SLC6A2: variants seen among roughly 807,000 people sequenced by gnomAD.
The protein encoded by SLC6A2 is sodium-dependent noradrenaline transporter.
Under a neutral mutation model 71.7 loss-of-function variants are expected in SLC6A2, and 26 were observed. The observed-to-expected ratio is 0.36, with a 90% CI of 0.27 to 0.50. The LOEUF (loss-of-function observed/expected upper bound fraction) is 0.50, where lower values mean the gene tolerates loss of function less well. SLC6A2 is among the 20% of genes least tolerant of loss of function. The probability of loss-of-function intolerance (pLI) is 0.96; values close to 1 mark genes in which losing one functional copy is unlikely to be tolerated. For synonymous variants in SLC6A2, 363 were observed against 337.9 expected, an observed-to-expected ratio of 1.07 and a Z score of -0.82; for missense variants, 581 against 803.9, an observed-to-expected ratio of 0.72 and a Z score of 3.35.
intron 4 of SLC6A2, among the ~76,000 whole-genome samples, chr16:55,675,323 G>A (rs755185933): frequency 2.6e-5 from 4 of 152,234 alleles, no homozygotes; most frequent in Non-Finnish European, 4.4e-5. Context: ...AGACAGGATA[G>A]ATTCCACCAG....
At position 55,705,184 on chromosome 16, in the gene SLC6A2, A is replaced by G. The variant is rs1179921869; in HGVS notation, c.*2838A>G. ...ATTTACGTCTACTCAATGTCTAGTT[A>G]TTTAGCACCCACCTTTTAGCTTTCA... On this transcript the variant is annotated 3_prime_UTR_variant, in exon 15 of 15. Transcript: ENST00000568943. The G allele has an allele frequency of 6.7e-7, 1 of 1,495,186 alleles. No homozygotes were observed. Among genetic ancestry groups the G allele is most frequent in the Non-Finnish European group, 9.0e-7 (1 of 1,109,458 alleles). The allele number at this position is 1,495,186 out of a possible 1,614,324, so 92.6% of individuals were successfully genotyped here. A position where few individuals can be genotyped will look rare whatever the true frequency, so the allele number is the denominator to read the frequency against.
At chr16:55,690,751 C>T (rs561654159) in intron 5 of SLC6A2, among the ~76,000 whole-genome samples, 2 of 152,340 alleles carry the variant, frequency 1.3e-5, no homozygotes, top group East Asian at 1.9e-4. Context: ...CCCTGACCAA[C>T]TAAGTCAGAA....
Position 55,702,312 on chromosome 16 carries a change from T to A in SLC6A2, c.1831-11T>A. On this transcript the variant is annotated splice_polypyrimidine_tract_variant and intron_variant, in intron 14 of 14. Transcript: ENST00000568943. ...ACCATGTCATCAAGTCCTCGCTGTC[T>A]TTCTCTGCAGTTGCAACACTGGCTG... is the stretch of plus-strand genomic sequence containing the variant. 1 of 1,614,102 alleles carries A rather than the reference T, an allele frequency of 6.2e-7. No individual in the cohort carries two copies. The highest frequency in any genetic ancestry group is 8.5e-7 in the Non-Finnish European group (1 of 1,179,948).
At chr16:55,664,197 G>C (rs890749765) in intron 2 of SLC6A2, among the ~76,000 whole-genome samples, 1 of 152,118 alleles carries the variant, frequency 6.6e-6, no homozygotes, top group Non-Finnish European at 1.5e-5. Flanking sequence ...TTGGCCTGGC[G>C]TATCCTGTCC....
At position 55,656,865 on chromosome 16, in the gene SLC6A2, G is replaced by A. The variant is rs1330557979; in HGVS notation, c.171G>A (p.Glu57=). 1 of 1,613,842 alleles carries A rather than the reference G, an allele frequency of 6.2e-7. No individual in the cohort carries two copies. The highest frequency in any genetic ancestry group is 8.5e-7 in the Non-Finnish European group (1 of 1,179,930). ...APRDGDAQPR[E]TWGKKIDFLL... Reference sequence around the variant, plus strand: ...GCGACGGCGACGCGCAGCCCCGGGAGACCTGGGGCAAGAAGATCGACTTCC... The same window carrying A: ...GCGACGGCGACGCGCAGCCCCGGGAAACCTGGGGCAAGAAGATCGACTTCC... The change falls in exon 2 of 15, where the codon GAG becomes GAA. Residue 57 remains glutamate (E), a synonymous_variant. Coordinates refer to ENST00000568943, the MANE Select transcript of SLC6A2 (RefSeq NM_001172501.3). This position sits in a 1 kb window ranked among gnomAD's most constrained non-coding sequence, Gnocchi z 4.5.
intron 4 of SLC6A2, among the ~76,000 whole-genome samples, chr16:55,679,874 C>T (rs16955591): frequency 0.15 from 22,082 of 152,064 alleles, 2,041 homozygotes; most frequent in African/African-American, 0.25. Flanking sequence ...TGTTATCCTC[C>T]GGACCTCGAT....
At chr16:55,674,425 C>T (rs1348790770) in intron 4 of SLC6A2, among the ~76,000 whole-genome samples, 1 of 151,452 alleles carries the variant, frequency 6.6e-6, no homozygotes, top group Admixed American at 6.6e-5. Context: ...TTTTCTTTTT[C>T]TTTTTCTTTT....
At position 55,699,915 on chromosome 16, in the gene SLC6A2, G is replaced by A. The variant is rs535579649; in HGVS notation, c.1591-224G>A. Reference sequence around the variant, plus strand: ...CACCTTCTGTTCTTCCTCTTTTCTTGCTCCCTGTCATATCTGCCTCCTTTT... The same window carrying A: ...CACCTTCTGTTCTTCCTCTTTTCTTACTCCCTGTCATATCTGCCTCCTTTT... On this transcript the variant is annotated intron_variant, in intron 12 of 14. Coordinates refer to ENST00000568943, the MANE Select transcript of SLC6A2 (RefSeq NM_001172501.3). 2.2e-3 allele frequency among the ~76,000 whole-genome samples: 328 copies of A among 152,136 alleles called. 1 individual carries two copies. Among genetic ancestry groups the A allele is most frequent in the Non-Finnish European group, 3.4e-3 (234 of 67,986 alleles).
intron 4 of SLC6A2, among the ~76,000 whole-genome samples, chr16:55,681,396 A>G (rs964741294): frequency 1.3e-5 from 2 of 152,212 alleles, no homozygotes; most frequent in Admixed American, 1.3e-4. Context: ...CTCAGAGCAG[A>G]GGTGCAGAGA....
intron 4 of SLC6A2, among the ~76,000 whole-genome samples, chr16:55,684,415 A>G (rs34030860): frequency 0.13 from 19,873 of 152,208 alleles, 1,426 homozygotes; most frequent in African/African-American, 0.18. Context: ...TTATTATGAA[A>G]TAATGCTGCC....
chr16:55,684,940 A>G (rs1965400365), intron 4 of SLC6A2, among the ~76,000 whole-genome samples: 1 of 152,214 alleles, frequency 6.6e-6, no homozygotes, highest in South Asian at 2.1e-4. Flanking sequence ...CTCTTCTAGG[A>G]CAGAGTGGTC....
chr16:55,676,525 T>C (rs1023365249), intron 4 of SLC6A2, among the ~76,000 whole-genome samples: 3 of 152,114 alleles, frequency 2.0e-5, no homozygotes, highest in African/African-American at 7.2e-5. Flanking sequence ...CATCTCCCAT[T>C]TTGCACCGTA....
chr16:55,684,935 C>T (rs2142558553), intron 4 of SLC6A2, among the ~76,000 whole-genome samples: 1 of 152,358 alleles, frequency 6.6e-6, no homozygotes, highest in East Asian at 1.9e-4. Context: ...TTTGCCTCTT[C>T]TAGGACAGAG....
chr16:55,671,878 G>A lies in SLC6A2; in HGVS notation c.407-60G>A, dbSNP rs1321298516. The A allele has an allele frequency of 3.1e-6, 5 of 1,611,478 alleles. No homozygotes were observed. In the African/African-American group the frequency reaches 4.0e-5, roughly 13 times the overall value. On this transcript the variant is annotated intron_variant, in intron 3 of 14. Transcript: ENST00000568943. ...GTGCAGTGGTGGAGCCACACCCAAG[G>A]AGAGGTGGCTGTGGGGCTGGGCCTG...
intron 6 of SLC6A2, among the ~76,000 whole-genome samples, chr16:55,693,573 C>T (rs1965703762): frequency 6.6e-6 from 1 of 152,212 alleles, no homozygotes; most frequent in Admixed American, 6.5e-5. Context: ...GCCCCATTGG[C>T]CCCCAAGGAG....
rs749688238 is a variant in SLC6A2 at position 55,695,381 on chromosome 16, A to G, written c.1126A>G (p.Ile376Val). ...GYMAHEHKVNIEDVATEGAGL... is the reference protein window; with the variant it reads ...GYMAHEHKVNVEDVATEGAGL... ...CATGGCCCATGAACACAAGGTCAAC[A>G]TTGAGGATGTGGCCACAGAAGGTGG... is the stretch of plus-strand genomic sequence containing the variant. The change falls in exon 8 of 15, where the codon ATT becomes GTT. Residue 376 changes from isoleucine to valine, a missense_variant. This residue lies in a region of SLC6A2 where 334 missense variants were observed against 449.0 expected (regional missense o/e 0.74). Transcript: ENST00000568943. 10 of 1,613,972 alleles carry G rather than the reference A, an allele frequency of 6.2e-6. No individual in the cohort carries two copies. The highest frequency in any genetic ancestry group is 2.2e-5 in the South Asian group (2 of 91,088).
chr16:55,685,403 G>T (rs1251118538), intron 5 of SLC6A2, 122 bp downstream of exon 5: 2 of 1,045,690 alleles, frequency 1.9e-6, no homozygotes, highest in Non-Finnish European at 3.0e-6. Context: ...GCAAGGCCTG[G>T]GTTCAAGCCC....
intron 2 of SLC6A2, 93 bp downstream of exon 2, chr16:55,657,061 G>T: frequency 6.9e-7 from 1 of 1,444,288 alleles, no homozygotes. Flanking sequence ...ACGGAAGGGA[G>T]GCGAGGAGAC....
At chr16:55,697,407 A>G (rs1390875109) in intron 9 of SLC6A2, among the ~76,000 whole-genome samples, 1 of 152,190 alleles carries the variant, frequency 6.6e-6, no homozygotes, top group African/African-American at 2.4e-5. Flanking sequence ...TCAGACTCTA[A>G]GAGTCTGGAG....
Sources: gnomAD v4.1 joint callset for allele counts (sites outside exome capture counted in the v4.1 genomes callset) on GRCh38, gnomAD v4.1.1 for gene constraint, gnomAD v4.1.1 regional missense constraint, Gnocchi (gnomAD v3.1) non-coding constraint, MANE v1.5 for transcripts, NCBI Gene and HGNC (gene_info 2026-07-23, HGNC 2026-07-21) for gene names.